The following ATP1B1 variants were observed in gnomAD, a reference collection of about 807,000 sequenced individuals.
ATP1B1 encodes the protein sodium/potassium-transporting ATPase subunit beta-1.
ATP1B1 carries 3 observed loss-of-function variants against 39.6 expected under a neutral mutation model. The ratio of observed to expected loss-of-function variants is 0.08; its 90% CI spans 0.03 to 0.20. ATP1B1 has a LOEUF of 0.20. Ranked by LOEUF, ATP1B1 falls within the 10% of genes least tolerant of loss-of-function variation. ATP1B1 has a pLI of 1.00. For missense variants in ATP1B1, 216 were observed against 371.1 expected (o/e 0.58, Z 3.43); for synonymous variants, 139 against 135.0 (o/e 1.03, Z -0.20).
intron 2 of ATP1B1, among the ~76,000 whole-genome samples, chr1:169,124,214 C>T (rs192409682): frequency 1.3e-5 from 2 of 152,284 alleles, no homozygotes; most frequent in East Asian, 1.9e-4. Context: ...AAACCCAAGG[C>T]ATACGGACTT....
At chr1:169,130,148 G>T in intron 5 of ATP1B1, 58 bp downstream of exon 5, 1 of 1,426,546 alleles carries the variant, frequency 7.0e-7, no homozygotes, top group Non-Finnish European at 9.8e-7. Context: ...GAAGAGGGGA[G>T]AATGAAGAAG....
intron 2 of ATP1B1, among the ~76,000 whole-genome samples, chr1:169,115,200 GAAAA>G (rs1014216645): frequency 1.1e-3 from 125 of 111,946 alleles, no homozygotes; most frequent in African/African-American, 3.1e-3. Context: ...AAAAAAAAAA[GAAAA>G]AAAAGGGGGG....
chr1:169,118,419 G>C lies in ATP1B1; in HGVS notation c.227-6465G>C, dbSNP rs187816840. Among the ~76,000 whole-genome samples, 44 of 152,318 alleles carry C rather than the reference G, an allele frequency of 2.9e-4. 1 individual carries two copies. The highest frequency in any genetic ancestry group is 1.9e-4 in the East Asian group (1 of 5,178). ...CTGCAGGCAGGGAGATTTATTCCTT[G>C]CTAATCTCAGAGCCTGAGTCTGGGA... On this transcript the variant is annotated intron_variant, in intron 2 of 5. Transcript: ENST00000367815.
At chr1:169,120,041 T>C (rs1216679070) in intron 2 of ATP1B1, among the ~76,000 whole-genome samples, 1 of 152,068 alleles carries the variant, frequency 6.6e-6, no homozygotes, top group Non-Finnish European at 1.5e-5. Context: ...TAATTAAGAC[T>C]ATCCAGAACA....
intron 1 of ATP1B1, among the ~76,000 whole-genome samples, 162 bp downstream of exon 1, chr1:169,107,088 G>A (rs933745124): frequency 1.3e-5 from 2 of 152,218 alleles, no homozygotes; most frequent in African/African-American, 4.8e-5. Context: ...TGGGCTTGCA[G>A]TCCTGTGCGG....
intron 1 of ATP1B1, among the ~76,000 whole-genome samples, chr1:169,108,491 G>A (rs954379345): frequency 5.3e-5 from 8 of 152,122 alleles, no homozygotes; most frequent in African/African-American, 1.9e-4. Flanking sequence ...CTTCTCTGGT[G>A]GTCTGACCCT....
intron 4 of ATP1B1, among the ~76,000 whole-genome samples, chr1:169,129,799 A>C (rs10919070): frequency 0.1 from 15,652 of 152,280 alleles, 1,064 homozygotes; most frequent in Admixed American, 0.21. Flanking sequence ...GTCGTTATAA[A>C]CTTGGGCACT....
At chr1:169,113,610 G>A (rs1214181960) in intron 2 of ATP1B1, among the ~76,000 whole-genome samples, 1 of 152,220 alleles carries the variant, frequency 6.6e-6, no homozygotes, top group Non-Finnish European at 1.5e-5. Context: ...GACCTTGCCT[G>A]TAAATCAACT....
chr1:169,125,041 T>C lies in ATP1B1; in HGVS notation c.382+2T>C. 1 of 1,609,484 alleles carries C rather than the reference T, an allele frequency of 6.2e-7. No individual in the cohort carries two copies. The highest frequency in any genetic ancestry group is 8.5e-7 in the Non-Finnish European group (1 of 1,178,424). On this transcript the variant is annotated splice_donor_variant, in intron 3 of 5. Coordinates refer to ENST00000367815, the MANE Select transcript of ATP1B1 (RefSeq NM_001677.4). LOFTEE classifies it high-confidence loss of function. The stretch of plus-strand genomic sequence containing the variant: ...ACATGATTTTTGAAGATTGTGGCGG[T>C]AAGTAGACTCATTGTAGATGTCTGT...
intron 1 of ATP1B1, among the ~76,000 whole-genome samples, chr1:169,107,597 A>G (rs761072560): frequency 1.8e-4 from 28 of 152,148 alleles, no homozygotes; most frequent in Non-Finnish European, 2.8e-4. Flanking sequence ...GTCTACACAG[A>G]CAGTTGTGGA....
intron 2 of ATP1B1, among the ~76,000 whole-genome samples, chr1:169,118,364 G>A (rs1657899035): frequency 6.6e-6 from 1 of 152,212 alleles, no homozygotes; most frequent in African/African-American, 2.4e-5. Context: ...AGCAGATTCT[G>A]AGTGTCGGAG....
intron 2 of ATP1B1, among the ~76,000 whole-genome samples, chr1:169,115,185 CAAAAA>C (rs35200858): frequency 1.3e-5 from 1 of 79,032 alleles, no homozygotes; most frequent in South Asian, 4.3e-4. Flanking sequence ...GACTCCATCT[CAAAAA>C]AAAAAAAAAG....
chr1:169,127,108 A>G lies in ATP1B1; in HGVS notation c.383-116A>G, dbSNP rs930163495. On this transcript the variant is annotated intron_variant, in intron 3 of 5. Coordinates refer to ENST00000367815, the MANE Select transcript of ATP1B1 (RefSeq NM_001677.4). ...CTTGCTTAATTCAGATCATGCATTA[A>G]ATGCAGAATAGCGTACTCTCAGAAT... 4.6e-6 allele frequency: 5 copies of G among 1,096,300 alleles called. No individual in the cohort carries two copies. In the African/African-American group the frequency reaches 5.0e-5, roughly 11 times the overall value. The allele number at this position is 1,096,300 out of a possible 1,614,324, so 67.9% of individuals were successfully genotyped here. A position where few individuals can be genotyped will look rare whatever the true frequency, so the allele number is the denominator to read the frequency against.
intron 1 of ATP1B1, chr1:169,110,583 T>TC: frequency 9.7e-7 from 1 of 1,026,248 alleles, no homozygotes; most frequent in Non-Finnish European, 1.3e-6. Flanking sequence ...TTTTTTTTTT[T>TC]TTTGCTTTTG....
At chr1:169,120,457 T>C (rs1258264640) in intron 2 of ATP1B1, among the ~76,000 whole-genome samples, 1 of 151,968 alleles carries the variant, frequency 6.6e-6, no homozygotes, top group Non-Finnish European at 1.5e-5. Context: ...CTTTCTGGGG[T>C]TTATCTGTCA....
At position 169,132,304 on chromosome 1, in the gene ATP1B1, G is replaced by A. The variant is rs919417254; in HGVS notation, c.*749G>A. The A allele has an allele frequency of 2.0e-6, 1 of 504,488 alleles. No homozygotes were observed. Among genetic ancestry groups the A allele is most frequent in the African/African-American group, 2.0e-5 (1 of 49,622 alleles). The allele number at this position is 504,488 out of a possible 1,614,324, so 31.3% of individuals were successfully genotyped here. A position where few individuals can be genotyped will look rare whatever the true frequency, so the allele number is the denominator to read the frequency against. On this transcript the variant is annotated 3_prime_UTR_variant, in exon 6 of 6. Transcript: ENST00000367815. ...CGGTATGTTCTAAAGCTGTGTCTGA[G>A]ATCTGGATCTGCCCATCACTTTGGC...
intron 2 of ATP1B1, among the ~76,000 whole-genome samples, chr1:169,123,261 C>A (rs970306560): frequency 6.6e-6 from 1 of 152,080 alleles, no homozygotes; most frequent in Non-Finnish European, 1.5e-5. Flanking sequence ...GTTTAAAGAT[C>A]TTTTCGTACT....
chr1:169,115,488 A>G (rs1657824652), intron 2 of ATP1B1, among the ~76,000 whole-genome samples: 1 of 151,436 alleles, frequency 6.6e-6, no homozygotes, highest in South Asian at 2.1e-4. Context: ...AGCTGGGGCT[A>G]CAGGTGCGCG....
Position 169,125,116 on chromosome 1 carries a change from T to C in ATP1B1, c.382+77T>C, listed in dbSNP as rs1658059962. 5 of 1,466,044 alleles carry C rather than the reference T, an allele frequency of 3.4e-6. No individual in the cohort carries two copies. The African/African-American group carries it at 4.3e-5, about 13-fold the overall frequency. 90.8% of individuals were successfully genotyped at this position (1,466,044 alleles called of 1,614,324 possible). ...CTTATTTCCCACTTCTATTTTTTGT[T>C]TAATGATCGAGAGATAATCCTGAAA... On this transcript the variant is annotated intron_variant, in intron 3 of 5. Coordinates refer to ENST00000367815, the MANE Select transcript of ATP1B1 (RefSeq NM_001677.4).
Sources: gnomAD v4.1 joint callset for allele counts (sites outside exome capture counted in the v4.1 genomes callset) on GRCh38, gnomAD v4.1.1 for gene constraint, MANE v1.5 for transcripts, NCBI Gene and HGNC (gene_info 2026-07-23, HGNC 2026-07-21) for gene names.